Variants in RBM25 observed in about 807,000 individuals in gnomAD.
RBM25 encodes RNA-binding protein 25.
Under a neutral mutation model 120.7 loss-of-function variants are expected in RBM25, and 19 were observed. The ratio of observed to expected loss-of-function variants is 0.16; its 90% CI spans 0.11 to 0.23. The LOEUF (loss-of-function observed/expected upper bound fraction) is 0.23. Among genes scored for constraint, RBM25 ranks in the 10% least tolerant of loss-of-function variants. RBM25 has a pLI of 1.00. For synonymous variants in RBM25, 390 were observed against 326.7 expected (o/e 1.19, Z -2.09); for missense variants, 605 against 1,041.5 (o/e 0.58, Z 5.77).
At chr14:73,099,311 T>C in intron 7 of RBM25, 69 bp from the exon 8 acceptor site, 1 of 1,389,036 alleles carries the variant, frequency 7.2e-7, no homozygotes, top group Non-Finnish European at 1.0e-6. Context: ...GTATAGGGCA[T>C]TGCTTTGCAG....
intron 1 of RBM25, among the ~76,000 whole-genome samples, chr14:73,065,549 T>C (rs1028125211): frequency 2.0e-5 from 3 of 152,026 alleles, no homozygotes; most frequent in Non-Finnish European, 4.4e-5. Flanking sequence ...CTCAGCCTCC[T>C]GAGTAGCTGG....
At chr14:73,074,074 T>C (rs753410271) in intron 2 of RBM25, among the ~76,000 whole-genome samples, 11 of 152,238 alleles carry the variant, frequency 7.2e-5, no homozygotes, top group Non-Finnish European at 1.5e-4. Context: ...TAAAGTTAGT[T>C]ATCAGCCATC....
At chr14:73,060,217 T>A (rs1481642297) in intron 1 of RBM25, among the ~76,000 whole-genome samples, 1 of 151,212 alleles carries the variant, frequency 6.6e-6, no homozygotes, top group Non-Finnish European at 1.5e-5. Context: ...TTTTGTAGTT[T>A]TAATAGAGGC....
intron 9 of RBM25, chr14:73,102,890 C>A: frequency 7.2e-6 from 2 of 279,164 alleles, no homozygotes; most frequent in South Asian, 9.4e-5. Flanking sequence ...TATTTCGAAC[C>A]ACCACATTCT....
At chr14:73,096,802 G>T in intron 6 of RBM25, 113 bp from the exon 7 acceptor site, 3 of 845,596 alleles carry the variant, frequency 3.5e-6, no homozygotes, top group South Asian at 1.7e-5. Context: ...GTGTTTAATA[G>T]GACTACAGAG....
At chr14:73,091,931 T>G (rs1385647184) in intron 6 of RBM25, among the ~76,000 whole-genome samples, 1 of 151,242 alleles carries the variant, frequency 6.6e-6, no homozygotes, top group Non-Finnish European at 1.5e-5. Context: ...TTATTTTTAA[T>G]AAAAAATTAA....
chr14:73,103,970 A>T (rs1370565631), intron 10 of RBM25, among the ~76,000 whole-genome samples: 5 of 144,066 alleles, frequency 3.5e-5, no homozygotes, highest in Admixed American at 2.8e-4. Context: ...ACACACACAC[A>T]CACACACACA....
chr14:73,099,741 C>G lies in RBM25; in HGVS notation c.858C>G (p.Asp286Glu). ...CTCGAGAGATCAGCAAATTCAGAGA[C>G]ACACATAAGGTAGTATTCTTGTCTT... ...LISREISKFR[D>E]THKKLEEEKG... Residue 286 changes from aspartate (D) to glutamate (E), a missense_variant, in exon 9 of 19, where the codon GAC (aspartate) becomes GAG (glutamate). Asp to Glu is a conservative substitution (Grantham distance 45). Coordinates refer to ENST00000261973, the MANE Select transcript of RBM25 (RefSeq NM_021239.3). 1 of 1,609,550 alleles carries G rather than the reference C, an allele frequency of 6.2e-7. No homozygotes were observed.
chr14:73,091,389 T>C (rs920065553), intron 6 of RBM25, among the ~76,000 whole-genome samples: 1 of 152,158 alleles, frequency 6.6e-6, no homozygotes, highest in African/African-American at 2.4e-5. Context: ...AAGTTTTATA[T>C]TTTTTGTTGA....
intron 10 of RBM25, among the ~76,000 whole-genome samples, chr14:73,103,994 A>ACTCT (rs1209592511): frequency 0.02 from 1,955 of 99,172 alleles, 49 homozygotes; most frequent in South Asian, 0.077. Context: ...ACACACACAC[A>ACTCT]CTCTCTCTCT....
At chr14:73,117,978 C>T (rs1015586228) in intron 18 of RBM25, among the ~76,000 whole-genome samples, 3 of 152,152 alleles carry the variant, frequency 2.0e-5, no homozygotes, top group Non-Finnish European at 4.4e-5. Flanking sequence ...GATGGGGACA[C>T]AAGGACCCTA....
chr14:73,108,674 T>A (rs1014021014), intron 13 of RBM25, among the ~76,000 whole-genome samples: 1 of 152,206 alleles, frequency 6.6e-6, no homozygotes, highest in Non-Finnish European at 1.5e-5. Context: ...CATGATACAA[T>A]CATAGTGAAG....
In RBM25 at chr14:73,123,196, A is replaced by G. The variant is rs1246051485; in HGVS notation, c.*3391A>G. On this transcript the variant is annotated 3_prime_UTR_variant, in exon 19 of 19. Transcript: ENST00000261973. ...TTTCAGGTATTAATCTGCCATGAAT[A>G]CTAGATATAGTAGAAAAACTGAGAA... The G allele has an allele frequency of 2.0e-5, 3 of 152,024 alleles. No individual in the cohort carries two copies. The highest frequency in any genetic ancestry group is 4.8e-5 in the African/African-American group (2 of 41,394). 9.4% of individuals were successfully genotyped at this position (152,024 alleles called of 1,614,324 possible).
chr14:73,109,657 G>A (rs1313920210), intron 14 of RBM25, among the ~76,000 whole-genome samples, 165 bp downstream of exon 14: 1 of 152,100 alleles, frequency 6.6e-6, no homozygotes, highest in African/African-American at 2.4e-5. Flanking sequence ...GCCGGGTGTA[G>A]TGGTGGGCGC....
At chr14:73,074,358 T>C (rs182883406) in intron 2 of RBM25, among the ~76,000 whole-genome samples, 28 of 152,282 alleles carry the variant, frequency 1.8e-4, no homozygotes, top group Admixed American at 1.6e-3. Context: ...TAGCTGAGAC[T>C]ATAGATGTGT....
intron 18 of RBM25, among the ~76,000 whole-genome samples, chr14:73,115,104 T>C (rs987445511): frequency 3.3e-5 from 5 of 151,984 alleles, no homozygotes; most frequent in African/African-American, 1.2e-4. Flanking sequence ...TCTGATGGCA[T>C]TGATAGCAGT....
chr14:73,073,629 A>G (rs1454664335), intron 2 of RBM25, among the ~76,000 whole-genome samples: 4 of 152,336 alleles, frequency 2.6e-5, no homozygotes, highest in Middle Eastern at 3.4e-3. Context: ...CAGAGGTTGC[A>G]GTGAGCTGAG....
chr14:73,081,927 T>G (rs1426494870), intron 4 of RBM25, among the ~76,000 whole-genome samples: 1 of 152,222 alleles, frequency 6.6e-6, no homozygotes, highest in East Asian at 1.9e-4. Context: ...CTTCGAATGT[T>G]TATTTGATTT....
At chr14:73,114,375 A>C in intron 18 of RBM25, 42 bp downstream of exon 18, 1 of 1,476,312 alleles carries the variant, frequency 6.8e-7, no homozygotes, top group Non-Finnish European at 9.2e-7. Flanking sequence ...TTAATTTAAA[A>C]AAAGTTTTTG....
Sources: allele counts gnomAD v4.1 joint callset (sites outside exome capture counted in the v4.1 genomes callset), GRCh38; gene constraint gnomAD v4.1.1; transcripts MANE v1.5; gene names NCBI Gene and HGNC (gene_info 2026-07-23, HGNC 2026-07-21).